The following RBPJ variants were observed in gnomAD, a reference collection of about 807,000 sequenced individuals.
RBPJ encodes recombination signal binding protein for immunoglobulin kappa J region, also known as recombining binding protein suppressor of hairless.
A neutral mutation model predicts 67.8 loss-of-function variants in RBPJ; 9 were observed. The ratio of observed to expected loss-of-function variants is 0.13; its 90% CI spans 0.08 to 0.23. The LOEUF (loss-of-function observed/expected upper bound fraction) is 0.23. Among genes scored for constraint, RBPJ ranks in the 10% least tolerant of loss-of-function variants. The pLI is 1.00. For missense variants in RBPJ, 305 were observed against 595.6 expected (o/e 0.51, Z 5.08); for synonymous variants, 198 against 203.3 (o/e 0.97, Z 0.22).
At chr4:26,196,410 G>A (rs956535152) in intron 1 of RBPJ, among the ~76,000 whole-genome samples, 3 of 152,212 alleles carry the variant, frequency 2.0e-5, no homozygotes, top group Non-Finnish European at 4.4e-5. Context: ...AAGTATATTA[G>A]TGGCTGCCTG....
At chr4:26,414,934 C>T (rs144201727) in intron 3 of RBPJ, among the ~76,000 whole-genome samples, 5 of 152,180 alleles carry the variant, frequency 3.3e-5, no homozygotes, top group African/African-American at 1.2e-4. Context: ...ATCAGGAGAT[C>T]CATGTATTTT....
chr4:26,170,828 G>A (rs111739466), intron 1 of RBPJ, among the ~76,000 whole-genome samples: 4,659 of 152,286 alleles, frequency 0.031, 99 homozygotes, highest in Middle Eastern at 0.082. Flanking sequence ...TTCAGTACAC[G>A]TCAGCCATCA....
intron 1 of RBPJ, among the ~76,000 whole-genome samples, chr4:26,256,232 C>T (rs1413108562): frequency 6.6e-6 from 1 of 151,820 alleles, no homozygotes; most frequent in Non-Finnish European, 1.5e-5. Context: ...TCTGCCAAGC[C>T]ACAGCCCCAC....
intron 1 of RBPJ, among the ~76,000 whole-genome samples, chr4:26,323,970 G>A (rs1314274306): frequency 6.6e-6 from 1 of 152,170 alleles, no homozygotes; most frequent in African/African-American, 2.4e-5. Context: ...ACTAGGGGCA[G>A]TATTTTCTCA....
rs1736087644 is a variant in RBPJ, at chr4:26,430,301, A to G, written c.1045-118A>G. Reference sequence around the variant, plus strand: ...GTTTTTAGCTAGCTTTGTAATAAAAAACATTTTAATTGCCCTTTTTTAAAA... The same window carrying G: ...GTTTTTAGCTAGCTTTGTAATAAAAGACATTTTAATTGCCCTTTTTTAAAA... On this transcript the variant is annotated intron_variant, in intron 9 of 10. Transcript: ENST00000355476. The surrounding 1 kb of genome is among the most constrained non-coding windows in gnomAD (Gnocchi z 4.1). The G allele has an allele frequency of 1.1e-6, 1 of 938,842 alleles. No homozygotes were observed. The highest frequency in any genetic ancestry group is 2.4e-5 in the Admixed American group (1 of 42,378). 58.2% of individuals were successfully genotyped at this position (938,842 alleles called of 1,614,324 possible).
At chr4:26,121,610 T>C in the RBPJ span, among the ~76,000 whole-genome samples, 1 of 152,124 alleles carries the variant, frequency 6.6e-6, no homozygotes, top group Non-Finnish European at 1.5e-5. Flanking sequence ...AGGAAACTAG[T>C]TGTTACCTAC....
chr4:26,187,197 G>A (rs1026065317), intron 1 of RBPJ, among the ~76,000 whole-genome samples: 2 of 152,182 alleles, frequency 1.3e-5, no homozygotes, highest in Non-Finnish European at 2.9e-5. Context: ...ATTCCAGGCT[G>A]AGCAACAGAG....
chr4:26,153,623 G>T, the RBPJ span, among the ~76,000 whole-genome samples: 1 of 152,106 alleles, frequency 6.6e-6, no homozygotes, highest in South Asian at 2.1e-4. Flanking sequence ...TTGTCTTAGG[G>T]GGTCTCTCTT....
rs555422668 is a variant in RBPJ at position 26,281,134 on chromosome 4, T to G, written c.-166-81312T>G. On this transcript the variant is annotated intron_variant, in intron 1 of 4. Coordinates refer to the RBPJ transcript ENST00000512351. ...ACAATTTATACTAAAAATCTCATTT[T>G]ACTCATTTTTTATTTATTTTTATGA... Among the ~76,000 whole-genome samples, 74 of 152,350 alleles carry G rather than the reference T, an allele frequency of 4.9e-4. No individual in the cohort carries two copies. In the Middle Eastern group the frequency reaches 0.017, roughly 35 times the overall value.
At chr4:26,320,763 CACACG>C (rs1722932046), upstream of RBPJ, 1 of 1,554,238 alleles carries the variant, frequency 6.4e-7, no homozygotes, top group African/African-American at 1.4e-5. Context: ...CCCCATGGAC[CACACG>C]GAGGGCTCGC....
chr4:26,130,001 A>G, the RBPJ span, among the ~76,000 whole-genome samples: 1 of 152,084 alleles, frequency 6.6e-6, no homozygotes, highest in African/African-American at 2.4e-5. Context: ...AGCTGGGAGT[A>G]CAGGCGTGCA....
At position 26,424,508 on chromosome 4, in the gene RBPJ, T is replaced by G. The variant is rs749653840; in HGVS notation, c.634+29T>G. The G allele has an allele frequency of 5.6e-6, 9 of 1,607,678 alleles. No homozygotes were observed. The South Asian group carries it at 7.8e-5, about 14-fold the overall frequency. ...AGTATAAAAGTGTGCATTTAATGTT[T>G]TTAGTGTGAAATTGTTAAAATCTTT... On this transcript the variant is annotated intron_variant, in intron 6 of 10. Transcript: ENST00000355476. The surrounding 1 kb of genome is among the most constrained non-coding windows in gnomAD (Gnocchi z 5.3).
chr4:26,268,019 A>AT (rs33970711), intron 1 of RBPJ, among the ~76,000 whole-genome samples: 3 of 152,036 alleles, frequency 2.0e-5, no homozygotes, highest in Non-Finnish European at 2.9e-5. Context: ...AATAAAAATG[A>AT]TTTTTTTTAA....
At chr4:26,324,128 G>A (rs1391223605) in intron 1 of RBPJ, among the ~76,000 whole-genome samples, 1 of 152,182 alleles carries the variant, frequency 6.6e-6, no homozygotes, top group Non-Finnish European at 1.5e-5. Flanking sequence ...TGTGCCTTAA[G>A]ATTCGCAGAG....
chr4:26,282,512 C>CT (rs11459777), intron 1 of RBPJ, among the ~76,000 whole-genome samples: 19,259 of 148,934 alleles, frequency 0.13, 2,294 homozygotes, highest in African/African-American at 0.32. Flanking sequence ...TCATGTATTT[C>CT]TTTTTTTTTT....
At chr4:26,425,957 GTTT>G (rs1230256314) in intron 7 of RBPJ, among the ~76,000 whole-genome samples, 1 of 142,092 alleles carries the variant, frequency 7.0e-6, no homozygotes, top group African/African-American at 2.6e-5. Flanking sequence ...CTTTGTTACT[GTTT>G]TTTTTTTTTA....
chr4:26,420,170 ATT>A (rs10707719), intron 4 of RBPJ, among the ~76,000 whole-genome samples: 28 of 149,836 alleles, frequency 1.9e-4, no homozygotes, highest in South Asian at 1.0e-3. Context: ...CTTTATTATT[ATT>A]TTTTTTTTGG....
intron 3 of RBPJ, 72 bp downstream of exon 3, chr4:26,406,342 ATGTCAGAGGATGGCTTCTAT>A: frequency 2.2e-6 from 2 of 902,240 alleles, no homozygotes; most frequent in Non-Finnish European, 3.7e-6. Flanking sequence ...ATTAATATAC[ATGTCAGAGGATGGCTTCTAT>A]TACTGGGTTC....
At chr4:26,297,116 G>A (rs369696732) in intron 1 of RBPJ, among the ~76,000 whole-genome samples, 5 of 152,016 alleles carry the variant, frequency 3.3e-5, no homozygotes, top group South Asian at 2.1e-4. Flanking sequence ...GCAACACAGC[G>A]AGCCCCGGTT....
Sources: gnomAD v4.1 joint callset for allele counts (sites outside exome capture counted in the v4.1 genomes callset) on GRCh38, gnomAD v4.1.1 for gene constraint, Gnocchi (gnomAD v3.1) non-coding constraint, MANE v1.5 for transcripts, NCBI Gene and HGNC (gene_info 2026-07-23, HGNC 2026-07-21) for gene names.